The following NWD2 variants were observed in gnomAD, a reference collection of about 807,000 sequenced individuals.
The protein encoded by NWD2 is NACHT and WD repeat domain containing 2, also known as NACHT and WD repeat domain-containing protein 2.
NWD2 carries 37 observed loss-of-function variants against 132.7 expected under a neutral mutation model. That is an observed-to-expected ratio of 0.28 (90% CI 0.21 to 0.37). The LOEUF (loss-of-function observed/expected upper bound fraction) is 0.37, where lower values mean the gene tolerates loss of function less well. Ranked by LOEUF, NWD2 falls within the 10% of genes least tolerant of loss-of-function variation. NWD2 has a pLI of 1.00. For synonymous variants in NWD2, 705 were observed against 803.0 expected (o/e 0.88, Z 2.06); for missense variants, 1,592 against 2,122.4 (o/e 0.75, Z 4.91).
intron 3 of NWD2, among the ~76,000 whole-genome samples, chr4:37,406,059 A>T (rs1315686041): frequency 1.3e-5 from 2 of 150,224 alleles, no homozygotes; most frequent in Non-Finnish European, 3.0e-5. Flanking sequence ...AAGATTTTTT[A>T]AAATTTATAA....
chr4:37,412,791 C>G (rs965945577), intron 3 of NWD2, among the ~76,000 whole-genome samples: 7 of 152,118 alleles, frequency 4.6e-5, no homozygotes, highest in Non-Finnish European at 7.4e-5. Context: ...ATATATAGAC[C>G]AATAGAACAG....
chr4:37,339,538 G>T (rs28690273), intron 2 of NWD2, among the ~76,000 whole-genome samples: 8,972 of 152,188 alleles, frequency 0.059, 450 homozygotes, highest in African/African-American at 0.13. Context: ...TACCAACACT[G>T]AAAATTACCC....
intron 2 of NWD2, among the ~76,000 whole-genome samples, chr4:37,336,172 A>G (rs1719402590): frequency 6.6e-6 from 1 of 152,104 alleles, no homozygotes; most frequent in Non-Finnish European, 1.5e-5. Context: ...GGTCATTTCC[A>G]AATATTTCAT....
At position 37,395,584 on chromosome 4, in the gene NWD2, C is replaced by CAA. The variant is rs1156884728; in HGVS notation, c.358-34964_358-34963dup. On this transcript the variant is annotated intron_variant, in intron 3 of 6. Coordinates refer to ENST00000309447, the MANE Select transcript of NWD2 (RefSeq NM_001144990.2). ...GGGCAACAAGAGCGAAACTCTGTCT[C>CAA]AAAAAAAAAAAAAAAAAAAAAAAAA... is the stretch of plus-strand genomic sequence containing the variant. 7.6e-3 allele frequency among the ~76,000 whole-genome samples: 138 copies of CAA among 18,128 alleles called. 5 individuals carry two copies. Among genetic ancestry groups the CAA allele is most frequent in the African/African-American group, 0.01 (53 of 5,168 alleles). The allele number at this position is 18,128 out of a possible 152,430, so 11.9% of individuals were successfully genotyped here.
chr4:37,352,346 A>C (rs1243867832), intron 2 of NWD2, among the ~76,000 whole-genome samples: 1 of 152,012 alleles, frequency 6.6e-6, no homozygotes, highest in African/African-American at 2.4e-5. Context: ...AACTTGCTTT[A>C]TGAATCTTGG....
chr4:37,439,006 A>G lies in NWD2; in HGVS notation c.912A>G (p.Glu304=). 1 of 1,551,814 alleles carries G rather than the reference A, an allele frequency of 6.4e-7. No individual in the cohort carries two copies. Among genetic ancestry groups the G allele is most frequent in the South Asian group, 1.2e-5 (1 of 84,062 alleles). ...AQEKLIKLRD[E]FIPTIVASSN... ...AGAAGCTGATAAAACTCAGGGATGA[A>G]TTTATTCCTACTATTGTTGCATCAT... The change falls in exon 6 of 7, where the codon GAA becomes GAG. Residue 304 remains glutamate (E), a synonymous_variant. Transcript: ENST00000309447. The surrounding 1 kb of genome is among the most constrained non-coding windows in gnomAD (Gnocchi z 4.5).
At chr4:37,413,360 A>T (rs959580533) in intron 3 of NWD2, among the ~76,000 whole-genome samples, 3 of 151,620 alleles carry the variant, frequency 2.0e-5, no homozygotes, top group African/African-American at 4.9e-5. Flanking sequence ...GCCAACAGAC[A>T]TATGAAAAAA....
At chr4:37,292,011 T>C (rs879634723) in intron 1 of NWD2, among the ~76,000 whole-genome samples, 3 of 152,154 alleles carry the variant, frequency 2.0e-5, no homozygotes, top group African/African-American at 4.8e-5. Flanking sequence ...AGAGGGTTAA[T>C]TATCTGAACA....
intron 1 of NWD2, among the ~76,000 whole-genome samples, chr4:37,256,376 G>A (rs540437452): frequency 4.7e-4 from 71 of 152,326 alleles, no homozygotes; most frequent in African/African-American, 1.7e-3. Context: ...GACAGAACTG[G>A]TAAAATCACA....
In NWD2 at chr4:37,443,281, T is replaced by C; in HGVS notation, c.1297-4T>C. On this transcript the variant is annotated splice_polypyrimidine_tract_variant and splice_region_variant and intron_variant, in intron 6 of 6. Transcript: ENST00000309447. The surrounding 1 kb of genome is among the most constrained non-coding windows in gnomAD (Gnocchi z 4.1). ...CCATTCTAAACTCCACTTTTGTGTT[T>C]CAGGCTTATGGCTGGCTACATGAGG... is the stretch of plus-strand genomic sequence containing the variant. 5 of 1,545,940 alleles carry C rather than the reference T, an allele frequency of 3.2e-6. No individual in the cohort carries two copies. Among genetic ancestry groups the C allele is most frequent in the Non-Finnish European group, 2.6e-6 (3 of 1,142,488 alleles).
intron 1 of NWD2, among the ~76,000 whole-genome samples, chr4:37,297,248 C>T (rs1374208250): frequency 6.6e-6 from 1 of 152,160 alleles, no homozygotes; most frequent in Non-Finnish European, 1.5e-5. Context: ...ACCTACACAT[C>T]TTCTTCCATA....
intron 1 of NWD2, among the ~76,000 whole-genome samples, chr4:37,312,233 T>C (rs2109281474): frequency 6.6e-6 from 1 of 151,706 alleles, no homozygotes; most frequent in Admixed American, 6.5e-5. Context: ...ATGGCCATTT[T>C]CACGATATTG....
At chr4:37,421,151 TAC>T (rs1284155474) in intron 3 of NWD2, among the ~76,000 whole-genome samples, 83 of 152,314 alleles carry the variant, frequency 5.4e-4, no homozygotes, top group African/African-American at 1.9e-3. Context: ...GTGTCTCCAC[TAC>T]CCCTCTGAAA....
intron 3 of NWD2, among the ~76,000 whole-genome samples, chr4:37,367,272 A>G (rs1244982848): frequency 6.6e-6 from 1 of 152,200 alleles, no homozygotes; most frequent in Non-Finnish European, 1.5e-5. Context: ...ATCTAAAAAT[A>G]TTTTGAACTG....
intron 1 of NWD2, among the ~76,000 whole-genome samples, chr4:37,263,249 A>G (rs1717681299): frequency 6.6e-6 from 1 of 152,182 alleles, no homozygotes; most frequent in African/African-American, 2.4e-5. Context: ...CTTCATTTTC[A>G]TAGCAGGTAC....
chr4:37,266,278 AT>A (rs1390423467), intron 1 of NWD2, among the ~76,000 whole-genome samples: 2 of 152,126 alleles, frequency 1.3e-5, no homozygotes, highest in Non-Finnish European at 1.5e-5. Flanking sequence ...AAGTAATTGA[AT>A]TGTTTAAACA....
chr4:37,368,363 T>A (rs910419079), intron 3 of NWD2, among the ~76,000 whole-genome samples: 1 of 152,148 alleles, frequency 6.6e-6, no homozygotes, highest in Admixed American at 6.6e-5. Context: ...CTCAAAATGC[T>A]TCTAGGAATG....
chr4:37,259,449 G>C (rs1717586069), intron 1 of NWD2, among the ~76,000 whole-genome samples: 2 of 152,152 alleles, frequency 1.3e-5, no homozygotes. Flanking sequence ...AAATACCTAA[G>C]AAACAGTGAA....
intron 2 of NWD2, among the ~76,000 whole-genome samples, chr4:37,336,901 C>T (rs1338921042): frequency 1.4e-5 from 2 of 143,286 alleles, no homozygotes; most frequent in Admixed American, 7.3e-5. Context: ...ATCAAGATCG[C>T]ACCACTGCGC....
Sources: gnomAD v4.1 joint callset for allele counts (sites outside exome capture counted in the v4.1 genomes callset) on GRCh38, gnomAD v4.1.1 for gene constraint, Gnocchi (gnomAD v3.1) non-coding constraint, MANE v1.5 for transcripts, NCBI Gene and HGNC (gene_info 2026-07-23, HGNC 2026-07-21) for gene names.